Variants in TTYH2 observed in about 807,000 individuals in gnomAD.
TTYH2 encodes the protein tweety family member 2.
In TTYH2, 49 loss-of-function variants were observed where a neutral mutation model predicts 68.3. The observed-to-expected ratio is 0.72, with a 90% confidence interval of 0.57 to 0.91. TTYH2 has a LOEUF of 0.91. Among genes scored for constraint, TTYH2 ranks in the 40% least tolerant of loss-of-function variants. TTYH2 has a pLI of 0.00. For missense variants in TTYH2, 631 were observed against 700.4 expected (o/e 0.90, Z 1.12); for synonymous variants, 272 against 300.8 (o/e 0.90, Z 0.99).
chr17:74,224,208 G>A (rs193219800), intron 2 of TTYH2, among the ~76,000 whole-genome samples: 3 of 152,150 alleles, frequency 2.0e-5, no homozygotes, highest in Non-Finnish European at 4.4e-5. Context: ...TCAGGAGTTC[G>A]AGATCACCTT....
chr17:74,252,515 A>G, intron 11 of TTYH2, 139 bp downstream of exon 11: 1 of 1,112,490 alleles, frequency 9.0e-7, no homozygotes, highest in Non-Finnish European at 1.2e-6. Context: ...TCAGCCCAAC[A>G]GGCTGGCTGA....
intron 9 of TTYH2, 75 bp from the exon 10 acceptor site, chr17:74,250,190 C>T: frequency 6.6e-7 from 1 of 1,505,724 alleles, no homozygotes; most frequent in East Asian, 2.4e-5. Context: ...CCCCTGAGCA[C>T]AGCTGCTGTG....
intron 13 of TTYH2, among the ~76,000 whole-genome samples, chr17:74,259,238 C>T (rs1306370749): frequency 6.6e-6 from 1 of 151,990 alleles, no homozygotes; most frequent in Non-Finnish European, 1.5e-5. Flanking sequence ...GAGAGAGGGT[C>T]TCGCTCCGTT....
At position 74,260,786 on chromosome 17, in the gene TTYH2, AG is replaced by A. The variant is rs2050742552; in HGVS notation, c.*578del. 6.5e-6 allele frequency: 1 copy of A among 154,712 alleles called. No homozygotes were observed. The highest frequency in any genetic ancestry group is 1.4e-5 in the Non-Finnish European group (1 of 69,452). The allele number at this position is 154,712 out of a possible 1,614,324, so 9.6% of individuals were successfully genotyped here. ...GCCAGACAGGCTCTTCCTGGGCCAC[AG>A]AGGGGAGGCATCAGGAAAGCTCTGC... On this transcript the variant is annotated 3_prime_UTR_variant, in exon 14 of 14. Transcript: ENST00000269346.
Position 74,217,860 on chromosome 17 carries a change from A to T in TTYH2, c.129+4144A>T, listed in dbSNP as rs944911441. Among the ~76,000 whole-genome samples the T allele has an allele frequency of 2.0e-5, 3 of 152,060 alleles. No individual in the cohort carries two copies. The highest frequency in any genetic ancestry group is 7.2e-5 in the African/African-American group (3 of 41,406). On this transcript the variant is annotated intron_variant, in intron 1 of 13. Transcript: ENST00000269346. This position sits in a 1 kb window ranked among gnomAD's most constrained non-coding sequence, Gnocchi z 4.0. The stretch of plus-strand genomic sequence containing the variant: ...CATGACACAGTGACAAATCAGAAAT[A>T]ATTGAAGTCCCTTTGATGAGGGGAG...
intron 12 of TTYH2, 75 bp from the exon 13 acceptor site, chr17:74,253,680 G>T: frequency 6.8e-7 from 1 of 1,467,626 alleles, no homozygotes; most frequent in South Asian, 1.1e-5. Flanking sequence ...TCACCCATGG[G>T]ACCCTCCTGT....
intron 1 of TTYH2, among the ~76,000 whole-genome samples, chr17:74,220,701 G>A (rs976003929): frequency 7.2e-5 from 11 of 152,138 alleles, no homozygotes; most frequent in African/African-American, 2.2e-4. Flanking sequence ...CAGGTGGGGA[G>A]AGCCCCAGCC....
chr17:74,251,098 T>G, intron 10 of TTYH2, among the ~76,000 whole-genome samples: 1 of 53,214 alleles, frequency 1.9e-5, no homozygotes, highest in East Asian at 2.5e-4. Flanking sequence ...TATATGTCTG[T>G]GCGTGTGTGG....
At chr17:74,248,216 G>A in intron 6 of TTYH2, 1 of 956,772 alleles carries the variant, frequency 1.0e-6, no homozygotes, top group Non-Finnish European at 1.2e-6. Context: ...CTCCCTGGCT[G>A]CTCTGGAAGG....
At position 74,219,387 on chromosome 17, in the gene TTYH2, C is replaced by CAAAAAAAAAAA. The variant is rs1031171600; in HGVS notation, c.130-3092_130-3082dup. Among the ~76,000 whole-genome samples, 73 of 88,436 alleles carry CAAAAAAAAAAA rather than the reference C, an allele frequency of 8.3e-4. 7 individuals are homozygous for CAAAAAAAAAAA. The highest frequency in any genetic ancestry group is 3.8e-3 in the African/African-American group (65 of 16,910). 58.0% of individuals were successfully genotyped at this position (88,436 alleles called of 152,430 possible). ...CTGGCGACAGAGCAAGACTCCGTGT[C>CAAAAAAAAAAA]AAAAAAAAAAAAAAAAGAATAACTT... On this transcript the variant is annotated intron_variant, in intron 1 of 13. Transcript: ENST00000269346.
chr17:74,233,885 G>C (rs1567814504), intron 3 of TTYH2, among the ~76,000 whole-genome samples: 1 of 152,120 alleles, frequency 6.6e-6, no homozygotes, highest in Admixed American at 6.5e-5. Flanking sequence ...CAGGCTGATG[G>C]GCAGCCCTCA....
At chr17:74,251,351 CAT>C (rs1480416943) in intron 10 of TTYH2, among the ~76,000 whole-genome samples, 6 of 40,326 alleles carry the variant, frequency 1.5e-4, no homozygotes, top group African/African-American at 3.3e-4. Context: ...GTGTGTGGTG[CAT>C]GTGTGTGTGC....
intron 13 of TTYH2, among the ~76,000 whole-genome samples, chr17:74,254,548 C>G (rs1186965823): frequency 6.6e-6 from 1 of 152,194 alleles, no homozygotes; most frequent in East Asian, 1.9e-4. Flanking sequence ...AGCCAGGCCC[C>G]TAAGTGAACT....
intron 11 of TTYH2, 119 bp downstream of exon 11, chr17:74,252,495 G>A: frequency 7.9e-7 from 1 of 1,272,820 alleles, no homozygotes; most frequent in Non-Finnish European, 1.1e-6. Context: ...GCAGCAGAGG[G>A]CCCGGGCATT....
chr17:74,233,092 G>C (rs1264940215), intron 3 of TTYH2, among the ~76,000 whole-genome samples: 1 of 152,210 alleles, frequency 6.6e-6, no homozygotes, highest in East Asian at 1.9e-4. Flanking sequence ...TTACCGAGAA[G>C]TGAGGTCAGG....
chr17:74,218,228 C>G (rs1284043287), intron 1 of TTYH2, among the ~76,000 whole-genome samples: 1 of 152,142 alleles, frequency 6.6e-6, no homozygotes, highest in Non-Finnish European at 1.5e-5. Context: ...CTCCTTCCTC[C>G]TCCCTTGCCC....
chr17:74,216,260 G>A (rs1328274147), intron 1 of TTYH2, among the ~76,000 whole-genome samples: 1 of 152,178 alleles, frequency 6.6e-6, no homozygotes, highest in Admixed American at 6.5e-5. Context: ...TGAACAAAAC[G>A]CCTGCAGAAA....
chr17:74,252,441 G>A, intron 11 of TTYH2, 65 bp downstream of exon 11: 10 of 1,567,400 alleles, frequency 6.4e-6, no homozygotes, highest in East Asian at 2.3e-5. Flanking sequence ...AGCAGACAGG[G>A]GCCTCTGCTC....
rs2050199323 is a variant in TTYH2 at position 74,214,154 on chromosome 17, G to T, written c.129+438G>T. On this transcript the variant is annotated intron_variant, in intron 1 of 13. Transcript: ENST00000269346. This position sits in a 1 kb window ranked among gnomAD's most constrained non-coding sequence, Gnocchi z 4.6. ...CAAGATGGGGCGCTCTCTTTCCGGG[G>T]CTGAGTGGCCTAGGAAAGTTTGGCA... Among the ~76,000 whole-genome samples, 1 of 152,154 alleles carries T rather than the reference G, an allele frequency of 6.6e-6. No homozygotes were observed. Among genetic ancestry groups the T allele is most frequent in the Non-Finnish European group, 1.5e-5 (1 of 68,018 alleles).
Sources: gnomAD v4.1 joint callset for allele counts (sites outside exome capture counted in the v4.1 genomes callset) on GRCh38, gnomAD v4.1.1 for gene constraint, Gnocchi (gnomAD v3.1) non-coding constraint, MANE v1.5 for transcripts, NCBI Gene and HGNC (gene_info 2026-07-23, HGNC 2026-07-21) for gene names.